PODXL2: variants seen among roughly 807,000 people sequenced by gnomAD.
PODXL2 encodes the protein podocalyxin-like protein 2.
PODXL2 carries 17 observed loss-of-function variants against 53.4 expected under a neutral mutation model. The observed-to-expected ratio is 0.32, with a 90% confidence interval of 0.22 to 0.48. PODXL2 has a LOEUF of 0.48. PODXL2 is among the 20% of genes least tolerant of loss of function. PODXL2 has a pLI of 0.99. For missense variants in PODXL2, 673 were observed against 760.0 expected (o/e 0.89, Z 1.35); for synonymous variants, 311 against 306.7 (o/e 1.01, Z -0.15).
intron 6 of PODXL2, among the ~76,000 whole-genome samples, chr3:127,669,710 C>T (rs1420513646): frequency 6.6e-6 from 1 of 152,206 alleles, no homozygotes; most frequent in Non-Finnish European, 1.5e-5. Flanking sequence ...TGAGATGCGG[C>T]GCCTGGGGGC....
intron 1 of PODXL2, among the ~76,000 whole-genome samples, chr3:127,632,320 G>A (rs2074552445): frequency 6.6e-6 from 1 of 152,176 alleles, no homozygotes; most frequent in Admixed American, 6.5e-5. Flanking sequence ...GTTCAGCTCC[G>A]AGAGAGAGTG....
intron 2 of PODXL2, among the ~76,000 whole-genome samples, chr3:127,650,998 C>G (rs934482377): frequency 6.6e-6 from 1 of 152,134 alleles, no homozygotes; most frequent in African/African-American, 2.4e-5. Context: ...GGTGCGATGG[C>G]TCACACCCGT....
chr3:127,646,047 G>T (rs1188799071), intron 2 of PODXL2, among the ~76,000 whole-genome samples: 2 of 152,206 alleles, frequency 1.3e-5, no homozygotes, highest in East Asian at 3.8e-4. Flanking sequence ...AAACCATGCT[G>T]CAGACAGGCC....
Position 127,660,654 on chromosome 3 carries a change from CCAGCAG to C in PODXL2, c.631_636del (p.Ser211_Ser212del), listed in dbSNP as rs1057418843. 1.9e-6 allele frequency: 3 copies of C among 1,614,122 alleles called. No individual in the cohort carries two copies. In the African/African-American group the frequency reaches 4.0e-5, roughly 22 times the overall value. ...CCTCAGGTCCGTGACTTTTCTCTCA[CCAGCAG>C]CAGCCAGACCCCAGGGGCCACCAAA... On this transcript the variant is annotated inframe_deletion, in exon 3 of 8. Coordinates refer to ENST00000342480, the MANE Select transcript of PODXL2 (RefSeq NM_015720.4).
Position 127,672,422 on chromosome 3 carries a change from T to C in PODXL2, c.1760T>C (p.Met587Thr). The C allele has an allele frequency of 6.5e-7, 1 of 1,541,676 alleles. No individual in the cohort carries two copies. Among genetic ancestry groups the C allele is most frequent in the African/African-American group, 1.4e-5 (1 of 72,972 alleles). Reference sequence around the variant, plus strand: ...GGCCCGGGGAGCTGGGGGGCGCTCATGGGGGGCAAGCGGGACCCCGAGGAC... The same window carrying C: ...GGCCCGGGGAGCTGGGGGGCGCTCACGGGGGGCAAGCGGGACCCCGAGGAC... Reference protein sequence around the residue: ...LNGPGSWGALMGGKRDPEDSD... With the variant: ...LNGPGSWGALTGGKRDPEDSD... The change falls in exon 8 of 8, where the codon ATG becomes ACG. Residue 587 changes from methionine to threonine, a missense_variant. By Grantham distance (81) the Met-to-Thr change is moderately conservative. Transcript: ENST00000342480.
intron 2 of PODXL2, among the ~76,000 whole-genome samples, chr3:127,655,641 G>A (rs2074719706): frequency 1.3e-5 from 2 of 152,196 alleles, no homozygotes; most frequent in South Asian, 4.1e-4. Flanking sequence ...CAGTGAAACT[G>A]AGACCACACT....
intron 2 of PODXL2, among the ~76,000 whole-genome samples, chr3:127,656,608 G>A (rs1425269711): frequency 6.6e-6 from 1 of 151,756 alleles, no homozygotes; most frequent in African/African-American, 2.4e-5. Context: ...GGTGGTGCAT[G>A]CCTATAGTCC....
chr3:127,655,323 T>C (rs2074715423), intron 2 of PODXL2, among the ~76,000 whole-genome samples: 1 of 151,948 alleles, frequency 6.6e-6, no homozygotes, highest in Admixed American at 6.6e-5. Context: ...GGAGAATTGC[T>C]TGAACCTGGA....
intron 2 of PODXL2, among the ~76,000 whole-genome samples, chr3:127,646,315 A>G (rs943681886): frequency 1.3e-5 from 2 of 152,086 alleles, no homozygotes; most frequent in Admixed American, 1.3e-4. Context: ...GTCACCTCTC[A>G]GCACAGTGAT....
chr3:127,631,302 G>A (rs2074543725), intron 1 of PODXL2, among the ~76,000 whole-genome samples: 1 of 152,194 alleles, frequency 6.6e-6, no homozygotes. Flanking sequence ...TTAGGGGAGA[G>A]GTGGGGTGTA....
At chr3:127,655,140 A>G (rs1418500992) in intron 2 of PODXL2, among the ~76,000 whole-genome samples, 1 of 151,882 alleles carries the variant, frequency 6.6e-6, no homozygotes, top group African/African-American at 2.4e-5. Context: ...ACGGGATTTC[A>G]CCATGTTGGC....
chr3:127,631,414 T>G (rs1457664357), intron 1 of PODXL2, among the ~76,000 whole-genome samples: 1 of 152,170 alleles, frequency 6.6e-6, no homozygotes, highest in East Asian at 1.9e-4. Context: ...GGTCTTGTTT[T>G]TTTCACCTCC....
chr3:127,638,368 A>AT (rs2074591483), intron 1 of PODXL2, among the ~76,000 whole-genome samples: 2 of 152,322 alleles, frequency 1.3e-5, no homozygotes, highest in Non-Finnish European at 1.5e-5. Context: ...AATATGTCAA[A>AT]TTACCAGCAC....
rs2074527079 is a variant in PODXL2 at position 127,629,425 on chromosome 3, C to A, written c.70+136C>A. 2.9e-6 allele frequency: 2 copies of A among 690,756 alleles called. No individual in the cohort carries two copies. Among genetic ancestry groups the A allele is most frequent in the Non-Finnish European group, 3.6e-6 (2 of 561,648 alleles). 42.8% of individuals were successfully genotyped at this position (690,756 alleles called of 1,614,324 possible). ...CGCGCGTGTCCCGGCCGGGCCGCGGCGCCGCCCCGACACACGCGCACGAGG... is the reference window on the plus strand; with the variant it reads ...CGCGCGTGTCCCGGCCGGGCCGCGGAGCCGCCCCGACACACGCGCACGAGG... On this transcript the variant is annotated intron_variant, in intron 1 of 7. Transcript: ENST00000342480. This position sits in a 1 kb window ranked among gnomAD's most constrained non-coding sequence, Gnocchi z 6.4.
At chr3:127,632,220 G>A (rs1392331009) in intron 1 of PODXL2, among the ~76,000 whole-genome samples, 3 of 152,212 alleles carry the variant, frequency 2.0e-5, no homozygotes, top group Admixed American at 6.5e-5. Context: ...GTCTTCTTGA[G>A]TTCCAAGCCA....
chr3:127,662,048 C>T (rs2074770885), intron 3 of PODXL2, among the ~76,000 whole-genome samples, 189 bp from the exon 4 acceptor site: 1 of 152,192 alleles, frequency 6.6e-6, no homozygotes. Context: ...TGCTTGGTCC[C>T]CAAAGACATT....
chr3:127,672,567 G>A lies in PODXL2; in HGVS notation c.*87G>A, dbSNP rs2074859232. 3 of 888,436 alleles carry A rather than the reference G, an allele frequency of 3.4e-6. No individual in the cohort carries two copies. The highest frequency in any genetic ancestry group is 3.3e-5 in the East Asian group (1 of 30,360). The allele number at this position is 888,436 out of a possible 1,614,324, so 55.0% of individuals were successfully genotyped here. On this transcript the variant is annotated 3_prime_UTR_variant, in exon 8 of 8. Coordinates refer to ENST00000342480, the MANE Select transcript of PODXL2 (RefSeq NM_015720.4). ...ACGGCCCGGAGCCCGCACCAGCCCC[G>A]CGCCTACCCGGGCCGCCCCCGCGGC...
intron 7 of PODXL2, 47 bp from the exon 8 acceptor site, chr3:127,672,221 C>A (rs1199113973): frequency 6.7e-7 from 1 of 1,498,950 alleles, no homozygotes; most frequent in South Asian, 1.2e-5. Flanking sequence ...CTGGCGCTGT[C>A]CGGGGGCTGG....
intron 2 of PODXL2, among the ~76,000 whole-genome samples, chr3:127,650,651 G>GT (rs982376863): frequency 1.5e-4 from 23 of 151,870 alleles, no homozygotes; most frequent in East Asian, 5.8e-4. Context: ...TTTTTTGTTT[G>GT]TTTTTTTTGT....
Sources: allele counts gnomAD v4.1 joint callset (sites outside exome capture counted in the v4.1 genomes callset), GRCh38; gene constraint gnomAD v4.1.1; non-coding constraint Gnocchi (gnomAD v3.1); transcripts MANE v1.5; gene names NCBI Gene and HGNC (gene_info 2026-07-23, HGNC 2026-07-21).